ZNF385D: variants seen among roughly 807,000 people sequenced by gnomAD.
The protein encoded by ZNF385D is zinc finger protein 385D, also known as zinc finger protein 659.
Under a neutral mutation model 35.8 loss-of-function variants are expected in ZNF385D, and 15 were observed. That is an observed-to-expected ratio of 0.42 (90% CI 0.28 to 0.64). The LOEUF is 0.64. Among genes scored for constraint, ZNF385D ranks in the 30% least tolerant of loss-of-function variants. The pLI is 0.23. For synonymous variants in ZNF385D, 212 were observed against 186.8 expected (o/e 1.13, Z -1.10); for missense variants, 474 against 494.6 (o/e 0.96, Z 0.39).
intron 3 of ZNF385D, among the ~76,000 whole-genome samples, chr3:22,001,780 A>T (rs1288144886): frequency 6.6e-6 from 1 of 152,002 alleles, no homozygotes; most frequent in East Asian, 1.9e-4. Context: ...ATTTTTTCAG[A>T]CCACATTAGA....
intron 2 of ZNF385D, among the ~76,000 whole-genome samples, chr3:22,240,834 C>A (rs925886173): frequency 4.6e-5 from 7 of 150,964 alleles, no homozygotes; most frequent in African/African-American, 1.7e-4. Flanking sequence ...CCCCCTAAGC[C>A]TTCCTTGGCC....
intron 3 of ZNF385D, among the ~76,000 whole-genome samples, chr3:21,990,115 A>T (rs1695068869): frequency 6.6e-6 from 1 of 152,328 alleles, no homozygotes; most frequent in East Asian, 1.9e-4. Context: ...ATTATCTTTT[A>T]AAAAAATTTT....
chr3:21,461,717 A>C (rs1703189956), intron 4 of ZNF385D, among the ~76,000 whole-genome samples: 1 of 152,226 alleles, frequency 6.6e-6, no homozygotes, highest in Admixed American at 6.5e-5. Context: ...CGCAGCAACT[A>C]ATTAGGTCTC....
At chr3:22,043,523 A>G (rs1201397147) in intron 3 of ZNF385D, among the ~76,000 whole-genome samples, 1 of 151,480 alleles carries the variant, frequency 6.6e-6, no homozygotes, top group African/African-American at 2.4e-5. Context: ...AAACAGCAAG[A>G]GCAAGTAAAT....
At chr3:21,800,962 T>C (rs544140938) in intron 3 of ZNF385D, among the ~76,000 whole-genome samples, 11 of 152,306 alleles carry the variant, frequency 7.2e-5, no homozygotes, top group African/African-American at 2.6e-4. Flanking sequence ...CCATTAAGTG[T>C]ACTATTTATT....
chr3:22,149,109 A>T (rs1294721690), intron 3 of ZNF385D, among the ~76,000 whole-genome samples: 2 of 152,186 alleles, frequency 1.3e-5, no homozygotes, highest in African/African-American at 4.8e-5. Context: ...GAAATGCAGG[A>T]TCTCATACGC....
chr3:21,510,926 T>A lies in ZNF385D; in HGVS notation c.374A>T (p.Asp125Val). 1 of 1,614,154 alleles carries A rather than the reference T, an allele frequency of 6.2e-7. No homozygotes were observed. Among genetic ancestry groups the A allele is most frequent in the South Asian group, 1.1e-5 (1 of 91,082 alleles). ...KNKQKSVTAK[D>V]SAKTTFTSIT... The stretch of plus-strand genomic sequence containing the variant: ...GGAGGTGAAGGTAGTCTTTGCGCTG[T>A]CCTTGGCAGTTACAGATTTCTGCTT... The change falls in exon 4 of 8, where the codon GAC becomes GTC. Residue 125 changes from aspartate to valine, a missense_variant. Coordinates refer to ENST00000281523, the MANE Select transcript of ZNF385D (RefSeq NM_024697.3).
intron 3 of ZNF385D, among the ~76,000 whole-genome samples, chr3:21,532,628 C>T (rs2061950046): frequency 7.0e-6 from 1 of 142,996 alleles, no homozygotes; most frequent in South Asian, 2.2e-4. Context: ...AGCATTTGTA[C>T]AAAAGTGTAC....
At chr3:21,986,148 T>G (rs1045180563) in intron 3 of ZNF385D, among the ~76,000 whole-genome samples, 8 of 75,732 alleles carry the variant, frequency 1.1e-4, no homozygotes, top group Non-Finnish European at 1.8e-4. Context: ...TTTGAAGGGT[T>G]TTTTGTGTCT....
intron 2 of ZNF385D, among the ~76,000 whole-genome samples, chr3:22,314,408 T>A (rs1430005299): frequency 1.3e-5 from 2 of 152,192 alleles, no homozygotes; most frequent in African/African-American, 4.8e-5. Flanking sequence ...TCATTTAGAA[T>A]AATAGTCTCC....
intron 2 of ZNF385D, among the ~76,000 whole-genome samples, chr3:22,226,551 T>C (rs987385405): frequency 6.6e-6 from 1 of 152,228 alleles, no homozygotes; most frequent in African/African-American, 2.4e-5. Flanking sequence ...AGGAAGCATA[T>C]ATGTAATAAT....
chr3:22,215,894 T>C (rs1322966491), intron 2 of ZNF385D, among the ~76,000 whole-genome samples: 1 of 152,026 alleles, frequency 6.6e-6, no homozygotes, highest in Non-Finnish European at 1.5e-5. Flanking sequence ...CTCTGTCCCT[T>C]TATTTCTCAG....
intron 2 of ZNF385D, among the ~76,000 whole-genome samples, chr3:22,213,567 T>G (rs930813544): frequency 6.6e-6 from 1 of 152,100 alleles, no homozygotes; most frequent in Non-Finnish European, 1.5e-5. Context: ...GGTATCAGTA[T>G]GAATCAGTCT....
chr3:22,332,473 T>A (rs1451209463), intron 2 of ZNF385D, among the ~76,000 whole-genome samples: 1 of 152,100 alleles, frequency 6.6e-6, no homozygotes, highest in East Asian at 1.9e-4. Context: ...GAAGGCATGG[T>A]GGTTATGAAT....
At chr3:21,767,195 G>A (rs1262181904) in intron 3 of ZNF385D, among the ~76,000 whole-genome samples, 2 of 151,884 alleles carry the variant, frequency 1.3e-5, no homozygotes, top group Non-Finnish European at 2.9e-5. Context: ...AGAAATGCAA[G>A]GACAGTGTGA....
intron 3 of ZNF385D, among the ~76,000 whole-genome samples, chr3:22,159,755 C>T (rs1162948513): frequency 6.6e-6 from 1 of 152,064 alleles, no homozygotes; most frequent in Admixed American, 6.6e-5. Flanking sequence ...AAGGAATTTA[C>T]TTCAGTCAAA....
chr3:21,821,604 G>A (rs1200700918), intron 3 of ZNF385D, among the ~76,000 whole-genome samples: 1 of 152,148 alleles, frequency 6.6e-6, no homozygotes, highest in African/African-American at 2.4e-5. Context: ...CTTATGCAAA[G>A]ATATTTGACT....
At chr3:21,429,133 G>A (rs2125211368) in intron 5 of ZNF385D, among the ~76,000 whole-genome samples, 1 of 151,072 alleles carries the variant, frequency 6.6e-6, no homozygotes, top group Middle Eastern at 3.4e-3. Context: ...CAAGAAAACT[G>A]GCAAATGACT....
At chr3:21,649,943 T>TG (rs2065863495) in intron 2 of ZNF385D, among the ~76,000 whole-genome samples, 1 of 152,128 alleles carries the variant, frequency 6.6e-6, no homozygotes, top group African/African-American at 2.4e-5. Flanking sequence ...CCAGTGTCAG[T>TG]TCAATATCAT....
Sources: allele counts gnomAD v4.1 joint callset (sites outside exome capture counted in the v4.1 genomes callset), GRCh38; gene constraint gnomAD v4.1.1; transcripts MANE v1.5; gene names NCBI Gene and HGNC (gene_info 2026-07-23, HGNC 2026-07-21).